ZFPM2: variants seen among roughly 807,000 people sequenced by gnomAD.
ZFPM2 encodes zinc finger protein ZFPM2.
A neutral mutation model predicts 98.6 loss-of-function variants in ZFPM2; 20 were observed. The observed-to-expected ratio is 0.20, with a 90% confidence interval of 0.14 to 0.29. ZFPM2 has a LOEUF of 0.29. ZFPM2 is among the 10% of genes least tolerant of loss of function. The pLI is 1.00. For missense variants in ZFPM2, 1,310 were observed against 1,388.6 expected (o/e 0.94, Z 0.90); for synonymous variants, 518 against 502.7 (o/e 1.03, Z -0.41).
At chr8:105,729,832 T>TATA (rs1317827307) in intron 5 of ZFPM2, among the ~76,000 whole-genome samples, 2 of 151,514 alleles carry the variant, frequency 1.3e-5, no homozygotes, top group Non-Finnish European at 3.0e-5. Context: ...TTTCATTATG[T>TATA]GTCTACTTGT....
intron 5 of ZFPM2, among the ~76,000 whole-genome samples, chr8:105,718,381 A>C (rs557649756): frequency 1.3e-5 from 2 of 152,068 alleles, no homozygotes; most frequent in Admixed American, 6.6e-5. Context: ...ACCACCCCCC[A>C]AAAAATGAGA....
At chr8:105,616,744 GC>G in intron 4 of ZFPM2, 1 of 319,966 alleles carries the variant, frequency 3.1e-6, no homozygotes. Flanking sequence ...TAGTTTGGGT[GC>G]GGTGACTCAT....
intron 4 of ZFPM2, among the ~76,000 whole-genome samples, chr8:105,632,664 A>G (rs1181677918): frequency 2.0e-5 from 3 of 152,334 alleles, no homozygotes; most frequent in African/African-American, 7.2e-5. Flanking sequence ...CAATAGGGAT[A>G]ACTTGATAAC....
chr8:105,318,503 G>A lies in ZFPM2; in HGVS notation c.-439G>A, dbSNP rs1165635841. On this transcript the variant is annotated 5_prime_UTR_variant, in exon 1 of 8. Transcript: ENST00000407775. ...CGGAGTATCCGTCCCGCACGCCGGG[G>A]CGAGGGGCGAGCGAGCGCGCTCCTC... Among the ~76,000 whole-genome samples, 2 of 149,822 alleles carry A rather than the reference G, an allele frequency of 1.3e-5. No homozygotes were observed. Among genetic ancestry groups the A allele is most frequent in the South Asian group, 2.1e-4 (1 of 4,738 alleles).
At chr8:105,587,729 TAA>T (rs1238665566) in intron 4 of ZFPM2, among the ~76,000 whole-genome samples, 1 of 152,180 alleles carries the variant, frequency 6.6e-6, no homozygotes, top group African/African-American at 2.4e-5. Context: ...TTATATGGAA[TAA>T]AGAGTGTTTC....
At chr8:105,599,243 A>G (rs1345374690) in intron 4 of ZFPM2, among the ~76,000 whole-genome samples, 2 of 151,988 alleles carry the variant, frequency 1.3e-5, no homozygotes, top group African/African-American at 2.4e-5. Flanking sequence ...ATCCACACCT[A>G]AACGATATAA....
chr8:105,701,541 A>G (rs1811141167), intron 5 of ZFPM2, among the ~76,000 whole-genome samples: 1 of 152,234 alleles, frequency 6.6e-6, no homozygotes, highest in Non-Finnish European at 1.5e-5. Flanking sequence ...ACAAAGGCTA[A>G]AACACTTTCT....
intron 1 of ZFPM2, among the ~76,000 whole-genome samples, chr8:105,377,632 A>AAAAAAAAAG (rs1563629118): frequency 6.7e-6 from 1 of 148,860 alleles, no homozygotes. Context: ...AAAAAAAAAA[A>AAAAAAAAAG]AGCCAGATGT....
At chr8:105,527,806 C>G (rs556860697) in intron 3 of ZFPM2, among the ~76,000 whole-genome samples, 1 of 152,242 alleles carries the variant, frequency 6.6e-6, no homozygotes, top group African/African-American at 2.4e-5. Context: ...AAAGATATAA[C>G]CTGGATTTAA....
At chr8:105,672,547 T>A (rs1217660131) in intron 5 of ZFPM2, among the ~76,000 whole-genome samples, 1 of 152,140 alleles carries the variant, frequency 6.6e-6, no homozygotes, top group African/African-American at 2.4e-5. Context: ...AGAGTGCCAT[T>A]GATTTTTAAA....
At chr8:105,362,557 T>C (rs1810425315) in intron 1 of ZFPM2, among the ~76,000 whole-genome samples, 1 of 152,190 alleles carries the variant, frequency 6.6e-6, no homozygotes, top group Admixed American at 6.5e-5. Context: ...TATATTTATT[T>C]ATTTTTAATT....
intron 5 of ZFPM2, among the ~76,000 whole-genome samples, chr8:105,785,567 A>AAAT (rs1479940886): frequency 6.6e-6 from 1 of 152,194 alleles, no homozygotes; most frequent in African/African-American, 2.4e-5. Context: ...GACAGGATTA[A>AAAT]AATAGATGAA....
intron 3 of ZFPM2, among the ~76,000 whole-genome samples, chr8:105,480,332 C>G (rs1420613430): frequency 3.9e-5 from 6 of 152,148 alleles, no homozygotes; most frequent in Non-Finnish European, 7.3e-5. Flanking sequence ...TTTCATCTTC[C>G]TATGCCTGCA....
At chr8:105,673,982 TAAATG>T (rs1817643795) in intron 5 of ZFPM2, among the ~76,000 whole-genome samples, 2 of 152,200 alleles carry the variant, frequency 1.3e-5, no homozygotes, top group Admixed American at 6.5e-5. Flanking sequence ...AAAGAAGTGT[TAAATG>T]AAATCCTCTG....
intron 5 of ZFPM2, among the ~76,000 whole-genome samples, chr8:105,769,081 A>G (rs1196611422): frequency 1.3e-5 from 2 of 152,018 alleles, no homozygotes; most frequent in Admixed American, 1.3e-4. Context: ...GTTTTAGCTC[A>G]GGTTTCTTTC....
At chr8:105,424,088 TC>T (rs1381726082) in intron 2 of ZFPM2, among the ~76,000 whole-genome samples, 2 of 152,062 alleles carry the variant, frequency 1.3e-5, no homozygotes, top group Non-Finnish European at 2.9e-5. Flanking sequence ...ATCTCAGACA[TC>T]ACCACTGAAG....
intron 3 of ZFPM2, among the ~76,000 whole-genome samples, chr8:105,450,224 T>C (rs1331288613): frequency 6.6e-6 from 1 of 152,094 alleles, no homozygotes; most frequent in East Asian, 1.9e-4. Context: ...AGATGATCAC[T>C]TTTGCATGAA....
Position 105,366,509 on chromosome 8 carries a change from TTTA to T in ZFPM2, c.40+47543_40+47545del, listed in dbSNP as rs929323267. Reference sequence around the variant, plus strand: ...GAATTCTTTTTTTTAATTTTTTTCATTTATTATTATTATTATTTTTTAATTATA... The same window carrying T: ...GAATTCTTTTTTTTAATTTTTTTCATTTATTATTATTATTTTTTAATTATA... On this transcript the variant is annotated intron_variant, in intron 1 of 7. Transcript: ENST00000407775. 2.8e-4 allele frequency among the ~76,000 whole-genome samples: 43 copies of T among 151,936 alleles called. No individual in the cohort carries two copies. The South Asian group carries it at 2.9e-3, about 10-fold the overall frequency.
chr8:105,792,700 T>C (rs909453865), intron 6 of ZFPM2, among the ~76,000 whole-genome samples: 7 of 152,200 alleles, frequency 4.6e-5, no homozygotes, highest in African/African-American at 1.2e-4. Flanking sequence ...AAGTCTCCCA[T>C]TATTAACGTG....
Sources: gnomAD v4.1 joint callset for allele counts (sites outside exome capture counted in the v4.1 genomes callset) on GRCh38, gnomAD v4.1.1 for gene constraint, MANE v1.5 for transcripts, NCBI Gene and HGNC (gene_info 2026-07-23, HGNC 2026-07-21) for gene names.